Variants in FAM169A observed in about 807,000 individuals in gnomAD.
The protein encoded by FAM169A is family with sequence similarity 169 member A.
Under a neutral mutation model 75.7 loss-of-function variants are expected in FAM169A, and 24 were observed. The observed-to-expected ratio is 0.32, with a 90% CI of 0.23 to 0.45. The LOEUF is 0.45. Among genes scored for constraint, FAM169A ranks in the 20% least tolerant of loss-of-function variants. The pLI is 1.00. For synonymous variants in FAM169A, 271 were observed against 271.0 expected, an observed-to-expected ratio of 1.00 and a Z score of 0.00; for missense variants, 673 against 784.0, an observed-to-expected ratio of 0.86 and a Z score of 1.69.
At chr5:74,864,020 T>C (rs1750174193) in intron 1 of FAM169A, among the ~76,000 whole-genome samples, 1 of 152,156 alleles carries the variant, frequency 6.6e-6, no homozygotes, top group East Asian at 1.9e-4. Flanking sequence ...CCTCCATAAT[T>C]CTCCCTATAG....
In FAM169A at chr5:74,856,251, C is replaced by T. The variant is rs944048738; in HGVS notation, c.-4+9914G>A. Among the ~76,000 whole-genome samples, 3 of 152,018 alleles carry T rather than the reference C, an allele frequency of 2.0e-5. 1 individual carries two copies. The highest frequency in any genetic ancestry group is 7.2e-5 in the African/African-American group (3 of 41,408). On this transcript the variant is annotated intron_variant, in intron 1 of 12. Coordinates refer to ENST00000687041, the MANE Select transcript of FAM169A (RefSeq NM_001376049.1). ...GTTGTGTTCTTTTTACTCAGGATAGCTTTGGCTATTCTGGGGTCTTTTGTG... is the reference window on the plus strand; with the variant it reads ...GTTGTGTTCTTTTTACTCAGGATAGTTTTGGCTATTCTGGGGTCTTTTGTG...
chr5:74,788,247 C>T lies in FAM169A; in HGVS notation c.1261-5113G>A, dbSNP rs529694834. Among the ~76,000 whole-genome samples, 7 of 152,254 alleles carry T rather than the reference C, an allele frequency of 4.6e-5. No individual in the cohort carries two copies. In the South Asian group the frequency reaches 1.0e-3, roughly 23 times the overall value. On this transcript the variant is annotated intron_variant, in intron 11 of 12. Transcript: ENST00000687041. Reference sequence around the variant, plus strand: ...ACTTACAGTCGGTCCAGTGGGTCCCCGGACTCATCCTGTGGTCATTTCCCC... The same window carrying T: ...ACTTACAGTCGGTCCAGTGGGTCCCTGGACTCATCCTGTGGTCATTTCCCC...
At chr5:74,807,119 C>T (rs1240056326) in intron 6 of FAM169A, among the ~76,000 whole-genome samples, 2 of 152,178 alleles carry the variant, frequency 1.3e-5, no homozygotes, top group African/African-American at 4.8e-5. Flanking sequence ...CTGACTTACA[C>T]TGGGGTTACA....
intron 5 of FAM169A, among the ~76,000 whole-genome samples, chr5:74,815,984 C>T (rs1747449880): frequency 6.6e-6 from 1 of 152,136 alleles, no homozygotes; most frequent in African/African-American, 2.4e-5. Flanking sequence ...TGTGAAGTAG[C>T]CATTCTTTTA....
chr5:74,801,474 T>A (rs1746573350), intron 9 of FAM169A, 116 bp downstream of exon 9: 1 of 839,698 alleles, frequency 1.2e-6, no homozygotes, highest in Non-Finnish European at 2.0e-6. Flanking sequence ...TTAGAGCTGG[T>A]TAAGTCTTCA....
At chr5:74,866,785 T>C (rs1750371304), upstream of FAM169A, 2 of 985,452 alleles carry the variant, frequency 2.0e-6, no homozygotes, top group Non-Finnish European at 1.2e-6. Flanking sequence ...CCCGGTGGAG[T>C]TCTCCAGCCC....
Position 74,779,258 on chromosome 5 carries a change from C to G in FAM169A, c.*2202G>C, listed in dbSNP as rs1183365472. The G allele has an allele frequency of 6.6e-6, 1 of 152,046 alleles. No homozygotes were observed. Among genetic ancestry groups the G allele is most frequent in the Non-Finnish European group, 1.5e-5 (1 of 67,974 alleles). 9.4% of individuals were successfully genotyped at this position (152,046 alleles called of 1,614,324 possible). ...CTATATTCACACATCAAGAGTTGAGCCAGTGAGCTCAATCTTTAAAAAACT... is the reference window on the plus strand; with the variant it reads ...CTATATTCACACATCAAGAGTTGAGGCAGTGAGCTCAATCTTTAAAAAACT... On this transcript the variant is annotated 3_prime_UTR_variant, in exon 13 of 13. Coordinates refer to ENST00000687041, the MANE Select transcript of FAM169A (RefSeq NM_001376049.1).
In FAM169A at chr5:74,813,799, C is replaced by T. The variant is rs888534146; in HGVS notation, c.670+41G>A. 2.1e-6 allele frequency: 3 copies of T among 1,399,696 alleles called. No homozygotes were observed. The African/African-American group carries it at 4.4e-5, about 20-fold the overall frequency. 86.7% of individuals were successfully genotyped at this position (1,399,696 alleles called of 1,614,324 possible). On this transcript the variant is annotated intron_variant, in intron 6 of 12. Coordinates refer to ENST00000687041, the MANE Select transcript of FAM169A (RefSeq NM_001376049.1). ...TTTTGAAGAAACAAGTCGGAAGTGACACAAAGACAAGTTTATTATTTTTTA... is the reference window on the plus strand; with the variant it reads ...TTTTGAAGAAACAAGTCGGAAGTGATACAAAGACAAGTTTATTATTTTTTA...
At chr5:74,851,877 G>T (rs1749461974) in intron 1 of FAM169A, among the ~76,000 whole-genome samples, 1 of 152,110 alleles carries the variant, frequency 6.6e-6, no homozygotes, top group Non-Finnish European at 1.5e-5. Context: ...ACTATACAGG[G>T]ACTTTAGTAA....
At position 74,804,429 on chromosome 5, in the gene FAM169A, T is replaced by C. The variant is rs563935915; in HGVS notation, c.912+64A>G. ...ACATTTAAAACTCAAATATAACCTG[T>C]ATCTATTTTTTAAAAACACAAAAAT... On this transcript the variant is annotated intron_variant, in intron 8 of 12. Transcript: ENST00000687041. 1.8e-5 allele frequency: 12 copies of C among 667,740 alleles called. No homozygotes were observed. In the Middle Eastern group the frequency reaches 9.7e-4, roughly 54 times the overall value. 41.4% of individuals were successfully genotyped at this position (667,740 alleles called of 1,614,324 possible).
chr5:74,787,811 A>G (rs909943437), intron 11 of FAM169A, among the ~76,000 whole-genome samples: 2 of 152,168 alleles, frequency 1.3e-5, no homozygotes, highest in African/African-American at 4.8e-5. Context: ...TAGGAAGCCT[A>G]CTGAATTCCT....
At chr5:74,807,103 T>A (rs1370962457) in intron 6 of FAM169A, among the ~76,000 whole-genome samples, 2 of 152,238 alleles carry the variant, frequency 1.3e-5, no homozygotes, top group East Asian at 3.8e-4. Flanking sequence ...CTTATACAGA[T>A]GCTCCCTGAC....
intron 11 of FAM169A, among the ~76,000 whole-genome samples, chr5:74,791,776 T>G (rs1275154597): frequency 6.6e-6 from 1 of 151,538 alleles, no homozygotes; most frequent in Admixed American, 6.6e-5. Flanking sequence ...GTTACTCCAC[T>G]AGGAAAAAAA....
At chr5:74,782,129 C>T (rs141419554) in intron 12 of FAM169A, 121 bp from the exon 13 acceptor site, 5 of 748,068 alleles carry the variant, frequency 6.7e-6, no homozygotes, top group African/African-American at 1.8e-5. Flanking sequence ...TACTCAAAAT[C>T]GAGTATTTTT....
intron 11 of FAM169A, among the ~76,000 whole-genome samples, chr5:74,794,519 C>G (rs1439937382): frequency 6.6e-6 from 1 of 151,348 alleles, no homozygotes; most frequent in Non-Finnish European, 1.5e-5. Context: ...GAGTTCAAGA[C>G]CAGCCTGGCA....
chr5:74,866,395 C>T (rs1750350696), upstream of FAM169A: 1 of 983,336 alleles, frequency 1.0e-6, no homozygotes. Context: ...ACTAGCGCCG[C>T]AGCGCCTCCA....
intron 4 of FAM169A, 55 bp from the exon 5 acceptor site, chr5:74,834,652 G>C: frequency 7.5e-7 from 1 of 1,331,012 alleles, no homozygotes; most frequent in Non-Finnish European, 9.9e-7. Flanking sequence ...TCAATCACAA[G>C]ATGCTATTTA....
At chr5:74,784,809 C>T (rs1463463626) in intron 11 of FAM169A, among the ~76,000 whole-genome samples, 2 of 149,964 alleles carry the variant, frequency 1.3e-5, no homozygotes, top group Non-Finnish European at 3.0e-5. Context: ...GTCCCAGCTA[C>T]TCGGGAGGCT....
chr5:74,810,629 A>C (rs555166399), intron 6 of FAM169A, among the ~76,000 whole-genome samples: 16 of 151,366 alleles, frequency 1.1e-4, no homozygotes, highest in Non-Finnish European at 2.2e-4. Context: ...GGGCACCTGT[A>C]GTCCCAGCTA....
Sources: gnomAD v4.1 joint callset for allele counts (sites outside exome capture counted in the v4.1 genomes callset) on GRCh38, gnomAD v4.1.1 for gene constraint, MANE v1.5 for transcripts, NCBI Gene and HGNC (gene_info 2026-07-23, HGNC 2026-07-21) for gene names.